PCDHGB1: variants seen among roughly 807,000 people sequenced by gnomAD.
PCDHGB1 encodes the protein protocadherin gamma-B1.
Under a neutral mutation model 56.6 loss-of-function variants are expected in PCDHGB1, and 34 were observed. The observed-to-expected ratio is 0.60, with a 90% CI of 0.46 to 0.80. The LOEUF (loss-of-function observed/expected upper bound fraction) is 0.80, where lower values mean the gene tolerates loss of function less well. PCDHGB1 is among the 30% of genes least tolerant of loss of function. PCDHGB1 has a pLI of 0.00. For synonymous variants in PCDHGB1, 561 were observed against 505.9 expected (o/e 1.11, Z -1.46); for missense variants, 1,278 against 1,204.6 (o/e 1.06, Z -0.90).
chr5:141,352,711 C>G, intron 1 of PCDHGB1, 42 bp downstream of exon 1: 1 of 1,542,158 alleles, frequency 6.5e-7, no homozygotes, highest in Non-Finnish European at 8.7e-7. Flanking sequence ...ATATGGCGGC[C>G]GGGCGCGGTG....
rs115035052 is a variant in PCDHGB1 at position 141,382,317 on chromosome 5, G to A, written c.2409+29648G>A. ...TTAATTAAAATTTATATACACTGAT[G>A]TAAATATTTTCTAAGTAAAATCTTT... On this transcript the variant is annotated intron_variant, in intron 1 of 3. Coordinates refer to ENST00000523390, the MANE Select transcript of PCDHGB1 (RefSeq NM_018922.3). Among the ~76,000 whole-genome samples the A allele has an allele frequency of 4.6e-3, 694 of 152,278 alleles. 4 individuals are homozygous for A. The highest frequency in any genetic ancestry group is 0.015 in the African/African-American group (631 of 41,554).
chr5:141,402,209 T>A (rs2094239307), intron 1 of PCDHGB1, among the ~76,000 whole-genome samples: 1 of 152,084 alleles, frequency 6.6e-6, no homozygotes, highest in Non-Finnish European at 1.5e-5. Context: ...AATACAAAAA[T>A]TTAAAATAAA....
At chr5:141,357,068 C>T in intron 1 of PCDHGB1, 3 of 1,613,990 alleles carry the variant, frequency 1.9e-6, no homozygotes, top group Non-Finnish European at 2.5e-6. Context: ...GGGCTGCACA[C>T]AGGCGAGGTG....
At chr5:141,456,700 C>T (rs1420857227) in intron 1 of PCDHGB1, among the ~76,000 whole-genome samples, 1 of 152,060 alleles carries the variant, frequency 6.6e-6, no homozygotes, top group Admixed American at 6.6e-5. Flanking sequence ...CGTGGTGGCT[C>T]GCGCCTGTAA....
intron 1 of PCDHGB1, chr5:141,400,181 A>T: frequency 6.2e-7 from 1 of 1,614,034 alleles, no homozygotes; most frequent in Non-Finnish European, 8.5e-7. Flanking sequence ...GCTGAGCTGC[A>T]GTTTTACCTA....
chr5:141,403,354 G>A, intron 1 of PCDHGB1: 7 of 1,614,048 alleles, frequency 4.3e-6, no homozygotes, highest in Non-Finnish European at 5.9e-6. Flanking sequence ...CAAAGTTCCA[G>A]GCCGAAAGTC....
chr5:141,492,873 C>G (rs2099744714), intron 1 of PCDHGB1, among the ~76,000 whole-genome samples: 1 of 152,182 alleles, frequency 6.6e-6, no homozygotes, highest in Non-Finnish European at 1.5e-5. Context: ...CTCTCAACCC[C>G]CAGAGATACA....
intron 1 of PCDHGB1, among the ~76,000 whole-genome samples, chr5:141,482,767 A>G (rs2099572087): frequency 6.6e-6 from 1 of 150,474 alleles, no homozygotes; most frequent in East Asian, 1.9e-4. Flanking sequence ...TTTCATTATC[A>G]CTGAACCTTA....
chr5:141,355,068 T>C lies in PCDHGB1; in HGVS notation c.2409+2399T>C, dbSNP rs544204227. ...ACAAAGCACTGGCTCTGGAGCTTTA[T>C]GAAAGCTTCAAGCGGAAGCCCTGAG... On this transcript the variant is annotated intron_variant, in intron 1 of 3. Transcript: ENST00000523390. 115 of 1,333,900 alleles carry C rather than the reference T, an allele frequency of 8.6e-5. 2 individuals carry two copies. The South Asian group carries it at 1.7e-3, about 20-fold the overall frequency. The allele number at this position is 1,333,900 out of a possible 1,614,324, so 82.6% of individuals were successfully genotyped here.
At chr5:141,421,000 A>G (rs2096537102) in intron 1 of PCDHGB1, 1 of 507,878 alleles carries the variant, frequency 2.0e-6, no homozygotes, top group East Asian at 3.3e-5. Flanking sequence ...CTGCTCACCA[A>G]TCAGGGAATG....
intron 1 of PCDHGB1, chr5:141,384,439 C>A (rs1314559914): frequency 6.2e-7 from 1 of 1,614,016 alleles, no homozygotes; most frequent in South Asian, 1.1e-5. Flanking sequence ...CACTGGAGTC[C>A]TGTACGCGCT....
chr5:141,448,795 A>T (rs577803435), intron 1 of PCDHGB1, among the ~76,000 whole-genome samples: 1 of 152,086 alleles, frequency 6.6e-6, no homozygotes, highest in African/African-American at 2.4e-5. Context: ...AAAAAAAAAA[A>T]TTAGCCAGGC....
chr5:141,357,682 G>A (rs1467921091), intron 1 of PCDHGB1: 19 of 1,578,578 alleles, frequency 1.2e-5, no homozygotes, highest in African/African-American at 5.5e-5. Flanking sequence ...TTGTGTAAAT[G>A]TCTCTCATTT....
chr5:141,474,908 T>C (rs1016814167), intron 1 of PCDHGB1, among the ~76,000 whole-genome samples: 7 of 152,242 alleles, frequency 4.6e-5, no homozygotes, highest in African/African-American at 1.4e-4. Flanking sequence ...TGTTCAAGGA[T>C]ATACATCTCA....
At chr5:141,466,510 AT>A (rs1222513096) in intron 1 of PCDHGB1, among the ~76,000 whole-genome samples, 1 of 151,938 alleles carries the variant, frequency 6.6e-6, no homozygotes, top group Non-Finnish European at 1.5e-5. Context: ...AGACAAGATC[AT>A]TTTTTTTCCT....
chr5:141,376,529 C>A (rs536041905), intron 1 of PCDHGB1: 2 of 1,613,656 alleles, frequency 1.2e-6, no homozygotes, highest in Non-Finnish European at 1.7e-6. Context: ...TCCGCCTAAG[C>A]GGGAAGAGTA....
chr5:141,422,359 G>A, intron 1 of PCDHGB1: 1 of 1,558,858 alleles, frequency 6.4e-7, no homozygotes, highest in Non-Finnish European at 8.6e-7. Flanking sequence ...TCAAGATTCT[G>A]GAGAAAATGG....
chr5:141,368,929 T>G (rs1183733565), intron 1 of PCDHGB1, among the ~76,000 whole-genome samples: 1 of 152,228 alleles, frequency 6.6e-6, no homozygotes, highest in South Asian at 2.1e-4. Flanking sequence ...AGTGTCTGTC[T>G]AGAATTCTGG....
chr5:141,489,381 T>A lies in PCDHGB1; in HGVS notation c.2410-5426T>A. 1 of 1,613,894 alleles carries A rather than the reference T, an allele frequency of 6.2e-7. No homozygotes were observed. The highest frequency in any genetic ancestry group is 8.5e-7 in the Non-Finnish European group (1 of 1,179,802). ...CTGAGCCGGGGACGCTGGTGGGGAATGTTGCTCAGGATCTGGGCTTAAAGA... is the reference window on the plus strand; with the variant it reads ...CTGAGCCGGGGACGCTGGTGGGGAAAGTTGCTCAGGATCTGGGCTTAAAGA... On this transcript the variant is annotated intron_variant, in intron 1 of 3. Transcript: ENST00000523390. The surrounding 1 kb of genome is among the most constrained non-coding windows in gnomAD (Gnocchi z 4.5).
Sources: gnomAD v4.1 joint callset for allele counts (sites outside exome capture counted in the v4.1 genomes callset) on GRCh38, gnomAD v4.1.1 for gene constraint, Gnocchi (gnomAD v3.1) non-coding constraint, MANE v1.5 for transcripts, NCBI Gene and HGNC (gene_info 2026-07-23, HGNC 2026-07-21) for gene names.